RB1: variants seen among roughly 807,000 people sequenced by gnomAD.
RB1 encodes RB transcriptional corepressor 1, also known as retinoblastoma-associated protein.
In RB1, 18 loss-of-function variants were observed where a neutral mutation model predicts 135.4. The observed-to-expected ratio is 0.13, with a 90% confidence interval of 0.09 to 0.20. RB1 has a LOEUF of 0.20. RB1 is among the 10% of genes least tolerant of loss of function. The pLI is 1.00. For missense variants in RB1, 868 were observed against 1,110.0 expected (o/e 0.78, Z 3.10); for synonymous variants, 365 against 373.2 (o/e 0.98, Z 0.25).
chr13:48,381,172 A>T (rs1464601590), intron 16 of RB1, 75 bp from the exon 17 acceptor site: 1 of 1,506,614 alleles, frequency 6.6e-7, no homozygotes, highest in East Asian at 2.5e-5. Context: ...TCTTTGTCTG[A>T]TAATAACTTC....
intron 12 of RB1, among the ~76,000 whole-genome samples, chr13:48,375,431 A>G (rs916478598): frequency 2.7e-5 from 4 of 150,570 alleles, no homozygotes; most frequent in African/African-American, 9.7e-5. Context: ...CAATTCTTTT[A>G]TGACAGGAAA....
chr13:48,452,832 T>C (rs1949336168), intron 17 of RB1, among the ~76,000 whole-genome samples, 161 bp from the exon 18 acceptor site: 1 of 152,178 alleles, frequency 6.6e-6, no homozygotes, highest in African/African-American at 2.4e-5. Context: ...CAATTGGGAA[T>C]TTCGAAGTAG....
intron 17 of RB1, among the ~76,000 whole-genome samples, chr13:48,440,579 A>T (rs2138304680): frequency 6.6e-6 from 1 of 152,304 alleles, no homozygotes; most frequent in South Asian, 2.1e-4. Context: ...GGGTAAGGCG[A>T]TCTGCCTTGC....
chr13:48,321,581 C>T (rs1952241489), intron 2 of RB1, among the ~76,000 whole-genome samples: 1 of 151,918 alleles, frequency 6.6e-6, no homozygotes, highest in Non-Finnish European at 1.5e-5. Flanking sequence ...TTTGGCTGGG[C>T]GCGGTGGCTC....
At chr13:48,433,370 A>C (rs1435172584) in intron 17 of RB1, among the ~76,000 whole-genome samples, 1 of 152,144 alleles carries the variant, frequency 6.6e-6, no homozygotes, top group Non-Finnish European at 1.5e-5. Context: ...TTTGATTAGA[A>C]GCATTAAAAT....
intron 17 of RB1, among the ~76,000 whole-genome samples, chr13:48,428,508 A>G (rs1467234170): frequency 3.3e-5 from 5 of 152,200 alleles, no homozygotes; most frequent in Admixed American, 2.6e-4. Flanking sequence ...AGGGACAAAC[A>G]TTGAAACCAT....
chr13:48,354,267 C>T (rs1952572328), intron 6 of RB1, among the ~76,000 whole-genome samples: 1 of 152,056 alleles, frequency 6.6e-6, no homozygotes, highest in South Asian at 2.1e-4. Flanking sequence ...ATACAAAAAT[C>T]AGTAATGTTT....
At chr13:48,304,421 G>C (rs1254847924) in intron 1 of RB1, among the ~76,000 whole-genome samples, 2 of 152,294 alleles carry the variant, frequency 1.3e-5, no homozygotes, top group East Asian at 3.9e-4. Context: ...TTTTTCACCG[G>C]AGAATTGGAG....
chr13:48,463,584 G>T, intron 20 of RB1, 147 bp from the exon 21 acceptor site: 1 of 626,648 alleles, frequency 1.6e-6, no homozygotes. Context: ...ACTTCATGTA[G>T]ACTTTCAAAC....
At chr13:48,350,775 T>C (rs1200904765) in intron 6 of RB1, among the ~76,000 whole-genome samples, 1 of 152,016 alleles carries the variant, frequency 6.6e-6, no homozygotes, top group Non-Finnish European at 1.5e-5. Context: ...GTTTCCATCT[T>C]TGTGTTCTTC....
intron 17 of RB1, among the ~76,000 whole-genome samples, chr13:48,410,481 G>A (rs567854853): frequency 6.6e-6 from 1 of 152,148 alleles, no homozygotes; most frequent in South Asian, 2.1e-4. Context: ...TAAGCAACAC[G>A]TGACAGTATA....
chr13:48,474,627 G>T (rs1566240322), intron 24 of RB1, among the ~76,000 whole-genome samples: 1 of 152,010 alleles, frequency 6.6e-6, no homozygotes, highest in Non-Finnish European at 1.5e-5. Flanking sequence ...TGCACTTTTT[G>T]CTTGTCCTTC....
intron 17 of RB1, among the ~76,000 whole-genome samples, chr13:48,404,923 G>A (rs984318188): frequency 6.6e-6 from 1 of 152,100 alleles, no homozygotes; most frequent in African/African-American, 2.4e-5. Context: ...CAGCACAGAA[G>A]TTCTCATTAG....
At chr13:48,402,210 A>G (rs2138181946) in intron 17 of RB1, among the ~76,000 whole-genome samples, 1 of 152,232 alleles carries the variant, frequency 6.6e-6, no homozygotes, top group South Asian at 2.1e-4. Flanking sequence ...TCATAGGAAT[A>G]TCAGACACCT....
intron 7 of RB1, among the ~76,000 whole-genome samples, chr13:48,362,315 AT>A (rs5803431): frequency 0.94 from 141,505 of 151,334 alleles, 66,560 homozygotes; most frequent in East Asian, 1. Context: ...AATCCAGGAG[AT>A]TTTTTTTTTA....
At chr13:48,345,328 T>A (rs1593435855) in intron 4 of RB1, 129 bp downstream of exon 4, 2 of 1,059,184 alleles carry the variant, frequency 1.9e-6, no homozygotes, top group Non-Finnish European at 2.8e-6. Context: ...TCCCTTTTAA[T>A]GTTAGCTCAT....
intron 17 of RB1, among the ~76,000 whole-genome samples, chr13:48,416,958 G>C: frequency 6.6e-6 from 1 of 152,218 alleles, no homozygotes; most frequent in South Asian, 2.1e-4. Flanking sequence ...CTGGGACAGA[G>C]CACCTGGGGG....
At chr13:48,317,585 C>T (rs539589377) in intron 2 of RB1, 4 of 434,588 alleles carry the variant, frequency 9.2e-6, no homozygotes, top group Admixed American at 6.9e-5. Context: ...GCAGCATGCT[C>T]GGCCCCTCGT....
At chr13:48,444,074 T>C (rs1949264177) in intron 17 of RB1, among the ~76,000 whole-genome samples, 1 of 152,146 alleles carries the variant, frequency 6.6e-6, no homozygotes, top group African/African-American at 2.4e-5. Flanking sequence ...TTGGAGATAG[T>C]GTCAGATCCC....
Sources: allele counts gnomAD v4.1 joint callset (sites outside exome capture counted in the v4.1 genomes callset), GRCh38; gene constraint gnomAD v4.1.1; transcripts MANE v1.5; gene names NCBI Gene and HGNC (gene_info 2026-07-23, HGNC 2026-07-21).